Variants in DRG1 observed in about 807,000 individuals in gnomAD.
DRG1 encodes developmentally regulated GTP binding protein 1, also known as developmentally-regulated GTP-binding protein 1.
A neutral mutation model predicts 38.8 loss-of-function variants in DRG1; 19 were observed. That is an observed-to-expected ratio of 0.49 (90% CI 0.34 to 0.72). The LOEUF (loss-of-function observed/expected upper bound fraction) is 0.72, where lower values mean the gene tolerates loss of function less well. DRG1 is among the 30% of genes least tolerant of loss of function. The pLI is 0.01. For missense variants in DRG1, 299 were observed against 444.8 expected (o/e 0.67, Z 2.95); for synonymous variants, 167 against 157.5 (o/e 1.06, Z -0.45).
Position 31,405,686 on chromosome 22 carries a change from G to A in DRG1, c.342+2482G>A, listed in dbSNP as rs963274915. ...TTGGGCATGTGTGTGTGTGTGGGGG[G>A]GTTTATTTATTTTTTTATTTGAGAC... On this transcript the variant is annotated intron_variant, in intron 3 of 8. Transcript: ENST00000331457. Among the ~76,000 whole-genome samples, 418 of 150,248 alleles carry A rather than the reference G, an allele frequency of 2.8e-3. 7 individuals carry two copies. Among genetic ancestry groups the A allele is most frequent in the Non-Finnish European group, 4.7e-3 (314 of 67,350 alleles).
chr22:31,426,584 C>G (rs772901185), intron 6 of DRG1, 31 bp from the exon 7 acceptor site: 1 of 1,586,874 alleles, frequency 6.3e-7, no homozygotes, highest in Non-Finnish European at 8.6e-7. Flanking sequence ...CAACTCCAGA[C>G]TAATACCCTG....
At chr22:31,433,728 T>A in intron 8 of DRG1, 144 bp from the exon 9 acceptor site, 1 of 611,302 alleles carries the variant, frequency 1.6e-6, no homozygotes, top group Non-Finnish European at 2.8e-6. Flanking sequence ...CAGTGTCTCA[T>A]GCTGCTAGGG....
At chr22:31,401,737 T>C (rs2049962000) in intron 2 of DRG1, among the ~76,000 whole-genome samples, 1 of 151,830 alleles carries the variant, frequency 6.6e-6, no homozygotes, top group African/African-American at 2.4e-5. Flanking sequence ...TCCTGGGTGA[T>C]AGAGCGAGAT....
At chr22:31,417,867 G>A (rs2050053240) in intron 4 of DRG1, among the ~76,000 whole-genome samples, 1 of 151,340 alleles carries the variant, frequency 6.6e-6, no homozygotes, top group South Asian at 2.1e-4. Flanking sequence ...GTCCATGCCT[G>A]TAATCCCAGC....
intron 4 of DRG1, among the ~76,000 whole-genome samples, chr22:31,416,091 T>C (rs2050043148): frequency 6.6e-6 from 1 of 152,056 alleles, no homozygotes; most frequent in South Asian, 2.1e-4. Context: ...GGCAGATCAC[T>C]TGAGGCCAGG....
At chr22:31,426,577 C>T in intron 6 of DRG1, 38 bp from the exon 7 acceptor site, 1 of 1,566,946 alleles carries the variant, frequency 6.4e-7, no homozygotes. Context: ...CTGTCAACAA[C>T]TCCAGACTAA....
intron 4 of DRG1, among the ~76,000 whole-genome samples, chr22:31,416,299 AG>A: frequency 6.6e-6 from 1 of 152,302 alleles, no homozygotes; most frequent in Non-Finnish European, 1.5e-5. Flanking sequence ...AAAAAAAAGA[AG>A]TCAGATCATG....
intron 3 of DRG1, among the ~76,000 whole-genome samples, chr22:31,405,968 G>A (rs977150574): frequency 1.3e-5 from 2 of 151,178 alleles, no homozygotes; most frequent in African/African-American, 4.9e-5. Context: ...GATTATAGGC[G>A]TGAGCCACCA....
intron 4 of DRG1, among the ~76,000 whole-genome samples, 181 bp downstream of exon 4, chr22:31,411,262 C>CT (rs1445990593): frequency 6.6e-6 from 1 of 152,208 alleles, no homozygotes; most frequent in Admixed American, 6.6e-5. Flanking sequence ...TTCTGAATCT[C>CT]TGCTGTCCAA....
At chr22:31,431,396 G>A (rs960080003) in intron 8 of DRG1, among the ~76,000 whole-genome samples, 10 of 152,254 alleles carry the variant, frequency 6.6e-5, no homozygotes, top group Non-Finnish European at 1.5e-4. Context: ...GCTAGGTGTG[G>A]TAGCTCACGC....
At chr22:31,413,925 A>G (rs549446810) in intron 4 of DRG1, among the ~76,000 whole-genome samples, 2 of 152,056 alleles carry the variant, frequency 1.3e-5, no homozygotes, top group African/African-American at 2.4e-5. Context: ...ACACCTGTCT[A>G]TTCTTAACAA....
At chr22:31,405,712 G>A (rs958444772) in intron 3 of DRG1, among the ~76,000 whole-genome samples, 4 of 150,636 alleles carry the variant, frequency 2.7e-5, no homozygotes, top group East Asian at 2.0e-4. Context: ...TATTTGAGAC[G>A]GAGTCTTACT....
intron 2 of DRG1, among the ~76,000 whole-genome samples, chr22:31,402,215 G>C (rs1158910454): frequency 6.6e-6 from 1 of 152,028 alleles, no homozygotes; most frequent in Non-Finnish European, 1.5e-5. Flanking sequence ...GGACTAAAAG[G>C]AATGGCGTAA....
intron 3 of DRG1, among the ~76,000 whole-genome samples, chr22:31,405,631 T>G (rs904375326): frequency 1.3e-5 from 2 of 151,534 alleles, no homozygotes; most frequent in South Asian, 2.1e-4. Context: ...TCCTTTTGAG[T>G]TCTTGCTAAC....
chr22:31,433,875 T>C lies in DRG1; in HGVS notation c.1008T>C (p.Ala336=), dbSNP rs1156838028. Residue 336 remains alanine (A), a synonymous_variant, in exon 9 of 9, where the codon GCT becomes GCC. Coordinates refer to ENST00000331457, the MANE Select transcript of DRG1 (RefSeq NM_004147.4). ...HKNLIKEFKY[A]LVWGLSVKHN... is the part of the protein sequence containing the mutation. ...GTTCTTTTTCCCTTCCATGCAGTGC[T>C]CTGGTCTGGGGTCTCTCTGTGAAAC... 1 of 1,614,012 alleles carries C rather than the reference T, an allele frequency of 6.2e-7. No individual in the cohort carries two copies. The highest frequency in any genetic ancestry group is 8.5e-7 in the Non-Finnish European group (1 of 1,179,868).
Position 31,403,054 on chromosome 22 carries a change from T to C in DRG1, c.192T>C (p.Asp64=), listed in dbSNP as rs752737251. ...GEGFDVAKTG[D]ARIGFVGFPS... The stretch of plus-strand genomic sequence containing the variant: ...GTTTTGATGTGGCCAAGACAGGTGA[T>C]GCTCGAATTGGATTTGTTGGTTTTC... The change falls in exon 3 of 9, where the codon GAT becomes GAC. Residue 64 remains aspartate (D), a synonymous_variant. Transcript: ENST00000331457. The C allele has an allele frequency of 2.5e-6, 4 of 1,612,956 alleles. No individual in the cohort carries two copies. Among genetic ancestry groups the C allele is most frequent in the Non-Finnish European group, 3.4e-6 (4 of 1,179,930 alleles).
chr22:31,426,508 C>T, intron 6 of DRG1, 107 bp from the exon 7 acceptor site: 5 of 897,666 alleles, frequency 5.6e-6, no homozygotes, highest in East Asian at 2.5e-5. Flanking sequence ...ACTTACAGTC[C>T]CTCTTGGGAG....
intron 3 of DRG1, 76 bp from the exon 4 acceptor site, chr22:31,410,936 A>T: frequency 1.4e-6 from 2 of 1,476,580 alleles, no homozygotes; most frequent in Non-Finnish European, 9.4e-7. Context: ...TGAGAAATAA[A>T]TTAATTCTGT....
chr22:31,413,253 C>A (rs1464331190), intron 4 of DRG1, among the ~76,000 whole-genome samples: 1 of 152,026 alleles, frequency 6.6e-6, no homozygotes, highest in South Asian at 2.1e-4. Context: ...CACGCAACAC[C>A]GTGTGGGCTA....
Sources: gnomAD v4.1 joint callset for allele counts (sites outside exome capture counted in the v4.1 genomes callset) on GRCh38, gnomAD v4.1.1 for gene constraint, MANE v1.5 for transcripts, NCBI Gene and HGNC (gene_info 2026-07-23, HGNC 2026-07-21) for gene names.